The following NEK7 variants were observed in gnomAD, a reference collection of about 807,000 sequenced individuals.
NEK7 encodes the protein serine/threonine-protein kinase Nek7.
In NEK7, 18 loss-of-function variants were observed where a neutral mutation model predicts 44.6. That is an observed-to-expected ratio of 0.40 (90% CI 0.28 to 0.60). The LOEUF (loss-of-function observed/expected upper bound fraction) is 0.60. NEK7 is among the 20% of genes least tolerant of loss of function. The pLI is 0.38. For missense variants in NEK7, 256 were observed against 366.5 expected (o/e 0.70, Z 2.46); for synonymous variants, 130 against 121.1 (o/e 1.07, Z -0.48).
chr1:198,174,243 A>G (rs1260038076), intron 1 of NEK7, among the ~76,000 whole-genome samples: 3 of 152,230 alleles, frequency 2.0e-5, no homozygotes, highest in Non-Finnish European at 4.4e-5. Context: ...ACATTGAAAC[A>G]TCTTGTTATT....
intron 1 of NEK7, among the ~76,000 whole-genome samples, chr1:198,209,123 T>C (rs1301000930): frequency 6.8e-6 from 1 of 145,988 alleles, no homozygotes; most frequent in Non-Finnish European, 1.5e-5. Flanking sequence ...AATATACACA[T>C]ATATACACAT....
At chr1:198,280,583 T>C (rs1376798575) in intron 7 of NEK7, among the ~76,000 whole-genome samples, 3 of 151,914 alleles carry the variant, frequency 2.0e-5, no homozygotes, top group African/African-American at 4.8e-5. Flanking sequence ...TAAGAACATA[T>C]ATGCATCTCC....
chr1:198,229,218 G>A (rs1666315658), intron 1 of NEK7, among the ~76,000 whole-genome samples: 1 of 152,162 alleles, frequency 6.6e-6, no homozygotes, highest in African/African-American at 2.4e-5. Flanking sequence ...CAGGTTCAGG[G>A]TGCTTCTGGA....
At chr1:198,174,867 C>T (rs1256536135) in intron 1 of NEK7, among the ~76,000 whole-genome samples, 1 of 151,980 alleles carries the variant, frequency 6.6e-6, no homozygotes, top group Non-Finnish European at 1.5e-5. Flanking sequence ...AAGTGATCCT[C>T]CCACCTTACT....
At chr1:198,287,885 T>C (rs1467446411) in intron 7 of NEK7, among the ~76,000 whole-genome samples, 4 of 152,230 alleles carry the variant, frequency 2.6e-5, no homozygotes. Flanking sequence ...GGTTCTTTGA[T>C]TTTGTAATAT....
rs1558079219 is a variant in NEK7 at position 198,252,556 on chromosome 1, ATATATATATAT to A, written c.58-483_58-473del. 1.1e-3 allele frequency among the ~76,000 whole-genome samples: 77 copies of A among 69,674 alleles called. 3 individuals carry two copies. Among genetic ancestry groups the A allele is most frequent in the East Asian group, 7.6e-3 (13 of 1,720 alleles). The allele number at this position is 69,674 out of a possible 152,430, so 45.7% of individuals were successfully genotyped here. A position where few individuals can be genotyped will look rare whatever the true frequency, so the allele number is the denominator to read the frequency against. On this transcript the variant is annotated intron_variant, in intron 2 of 9. Transcript: ENST00000367385. ...TATATATATATATATATATATATAT[ATATATATATAT>A]AAAAAGTACATATATACACATATAT... is the stretch of plus-strand genomic sequence containing the variant.
chr1:198,295,895 G>A (rs555236348), intron 8 of NEK7, among the ~76,000 whole-genome samples: 1 of 147,070 alleles, frequency 6.8e-6, no homozygotes, highest in South Asian at 2.3e-4. Flanking sequence ...GGGGCATTCA[G>A]ATTGTTTTTA....
chr1:198,245,058 T>C (rs1020110722), intron 2 of NEK7: 1 of 159,478 alleles, frequency 6.3e-6, no homozygotes, highest in Non-Finnish European at 1.5e-5. Flanking sequence ...TATAATGTGT[T>C]CTTACAATAA....
At chr1:198,272,802 T>G (rs1653896194) in intron 5 of NEK7, among the ~76,000 whole-genome samples, 1 of 151,874 alleles carries the variant, frequency 6.6e-6, no homozygotes, top group Admixed American at 6.6e-5. Flanking sequence ...TTTTTATTGT[T>G]GATCTTTTAG....
intron 1 of NEK7, among the ~76,000 whole-genome samples, chr1:198,211,181 C>A (rs974347606): frequency 1.6e-4 from 24 of 152,108 alleles, no homozygotes; most frequent in African/African-American, 5.6e-4. Flanking sequence ...TCTTCTAATT[C>A]TTTTCCAGTT....
intron 3 of NEK7, among the ~76,000 whole-genome samples, chr1:198,258,802 G>T (rs1336661253): frequency 1.3e-5 from 2 of 152,154 alleles, no homozygotes; most frequent in Non-Finnish European, 2.9e-5. Flanking sequence ...GAATGAAAAT[G>T]ATGCCTCCTA....
At chr1:198,310,927 T>C (rs971307439) in intron 9 of NEK7, among the ~76,000 whole-genome samples, 1 of 149,488 alleles carries the variant, frequency 6.7e-6, no homozygotes, top group Non-Finnish European at 1.5e-5. Context: ...GCGGGCTCTT[T>C]TTTGGTTCCA....
chr1:198,268,039 G>A (rs1169405566), intron 5 of NEK7, among the ~76,000 whole-genome samples: 3 of 151,710 alleles, frequency 2.0e-5, no homozygotes, highest in Non-Finnish European at 1.5e-5. Context: ...GAGTCCCACA[G>A]TGTCTTGATT....
intron 1 of NEK7, among the ~76,000 whole-genome samples, chr1:198,167,971 G>T (rs972685458): frequency 6.6e-6 from 1 of 152,150 alleles, no homozygotes; most frequent in Non-Finnish European, 1.5e-5. Flanking sequence ...TTATTCAAAA[G>T]CCTGTTTGGC....
chr1:198,272,936 G>A lies in NEK7; in HGVS notation c.373-5025G>A, dbSNP rs148420122. The stretch of plus-strand genomic sequence containing the variant: ...TTCTTGTTTGCTAAATAATTTAAGA[G>A]GTTTTTTTCCCTCAAGGTGTAATTG... On this transcript the variant is annotated intron_variant, in intron 5 of 9. Coordinates refer to ENST00000367385, the MANE Select transcript of NEK7 (RefSeq NM_133494.3). Among the ~76,000 whole-genome samples, 779 of 151,570 alleles carry A rather than the reference G, an allele frequency of 5.1e-3. 9 individuals carry two copies. Among genetic ancestry groups the A allele is most frequent in the African/African-American group, 0.018 (747 of 41,426 alleles).
At chr1:198,240,449 C>T (rs1012510807) in intron 2 of NEK7, among the ~76,000 whole-genome samples, 6 of 150,722 alleles carry the variant, frequency 4.0e-5, no homozygotes, top group African/African-American at 1.5e-4. Context: ...AATAGTCTTC[C>T]GTCTTCCAAC....
Position 198,314,953 on chromosome 1 carries a change from A to G in NEK7, c.799-4459A>G, listed in dbSNP as rs561125862. 4.5e-3 allele frequency among the ~76,000 whole-genome samples: 679 copies of G among 152,266 alleles called. 5 individuals carry two copies. Among genetic ancestry groups the G allele is most frequent in the East Asian group, 7.5e-3 (39 of 5,176 alleles). ...AGGCAGGTCTCCTTGAGCTGTGGTG[A>G]GCTCCACCCAGTTGGTGCTTCCCGG... On this transcript the variant is annotated intron_variant, in intron 9 of 9. Coordinates refer to ENST00000367385, the MANE Select transcript of NEK7 (RefSeq NM_133494.3).
intron 1 of NEK7, among the ~76,000 whole-genome samples, chr1:198,210,700 A>G (rs12239112): frequency 0.029 from 3,946 of 137,940 alleles, 182 homozygotes; most frequent in African/African-American, 0.099. Flanking sequence ...TTGATAGGCT[A>G]TCAACTGTAT....
intron 3 of NEK7, among the ~76,000 whole-genome samples, chr1:198,253,839 G>A (rs973456378): frequency 6.6e-6 from 1 of 152,088 alleles, no homozygotes; most frequent in Non-Finnish European, 1.5e-5. Context: ...ATGCTCACTT[G>A]CCAGAGCCCT....
Sources: allele counts gnomAD v4.1 joint callset (sites outside exome capture counted in the v4.1 genomes callset), GRCh38; gene constraint gnomAD v4.1.1; transcripts MANE v1.5; gene names NCBI Gene and HGNC (gene_info 2026-07-23, HGNC 2026-07-21).